Variants in ALPL observed in about 807,000 individuals in gnomAD.
ALPL encodes the protein alkaline phosphatase, tissue-nonspecific isozyme.
A neutral mutation model predicts 51.3 loss-of-function variants in ALPL; 42 were observed. The observed-to-expected ratio is 0.82, with a 90% CI of 0.64 to 1.06. The LOEUF (loss-of-function observed/expected upper bound fraction) is 1.06. Ranked by LOEUF, ALPL falls within the 50% of genes least tolerant of loss-of-function variation. The pLI is 0.00. For synonymous variants in ALPL, 279 were observed against 296.4 expected (o/e 0.94, Z 0.60); for missense variants, 589 against 709.4 (o/e 0.83, Z 1.93).
Position 21,576,356 on chromosome 1 carries a change from G to T in ALPL, c.1190-166G>T, listed in dbSNP as rs184914690. On this transcript the variant is annotated intron_variant, in intron 10 of 11. Coordinates refer to ENST00000374840, the MANE Select transcript of ALPL (RefSeq NM_000478.6). ...TGGGTACAATGAAAACTGGGGAATG[G>T]TTAGTTGGAAATAATAAGGTTTAGA... Among the ~76,000 whole-genome samples, 318 of 152,080 alleles carry T rather than the reference G, an allele frequency of 2.1e-3. 1 individual carries two copies. The highest frequency in any genetic ancestry group is 7.4e-3 in the African/African-American group (308 of 41,498).
At chr1:21,526,209 G>A (rs983944662) in intron 1 of ALPL, among the ~76,000 whole-genome samples, 3 of 151,996 alleles carry the variant, frequency 2.0e-5, no homozygotes, top group East Asian at 2.0e-4. Flanking sequence ...GCGCCATCTC[G>A]GCTCACTGCA....
intron 10 of ALPL, 60 bp downstream of exon 10, chr1:21,575,984 C>A: frequency 4.4e-6 from 7 of 1,598,104 alleles, no homozygotes; most frequent in Non-Finnish European, 6.0e-6. Flanking sequence ...CACCTGGGAG[C>A]AGGAGTGGGT....
intron 1 of ALPL, among the ~76,000 whole-genome samples, chr1:21,533,792 G>A (rs895556822): frequency 6.6e-6 from 1 of 151,888 alleles, no homozygotes; most frequent in Non-Finnish European, 1.5e-5. Flanking sequence ...GTGTGGTCGT[G>A]GGCGCCTGTA....
At position 21,560,771 on chromosome 1, in the gene ALPL, G is replaced by A. The variant is rs1644473202; in HGVS notation, c.181+26G>A. On this transcript the variant is annotated intron_variant, in intron 3 of 11. Coordinates refer to ENST00000374840, the MANE Select transcript of ALPL (RefSeq NM_000478.6). ...GTGAGGCCCAGGGGCCTGTGGGAGG[G>A]GTGGAACAGGACACCTAGCTAGGAG... is the stretch of plus-strand genomic sequence containing the variant. The A allele has an allele frequency of 2.5e-6, 4 of 1,613,706 alleles. No individual in the cohort carries two copies. The African/African-American group carries it at 4.0e-5, about 16-fold the overall frequency.
At chr1:21,547,102 C>G (rs1470956473) in intron 1 of ALPL, among the ~76,000 whole-genome samples, 3 of 152,182 alleles carry the variant, frequency 2.0e-5, no homozygotes, top group Admixed American at 1.3e-4. Context: ...CCGACTGTTT[C>G]CATAGAACCT....
rs764010876 is a variant in ALPL at position 21,576,529 on chromosome 1, C to T, written c.1197C>T (p.Ala399=). The change falls in exon 11 of 12, where the codon GCC becomes GCT. Residue 399 remains alanine, a synonymous_variant. Transcript: ENST00000374840. ...TPRGNSIFGL[A]PMLSDTDKKP... is the part of the protein sequence containing the mutation. ...CACCCCCTCCCTGTGCAGGTCTGGC[C>T]CCCATGCTGAGTGACACAGACAAGA... 71 of 1,613,764 alleles carry T rather than the reference C, an allele frequency of 4.4e-5. 1 individual carries two copies. Among genetic ancestry groups the T allele is most frequent in the Non-Finnish European group, 5.6e-5 (66 of 1,179,900 alleles).
At chr1:21,550,524 T>C (rs1339557651) in intron 1 of ALPL, among the ~76,000 whole-genome samples, 1 of 152,208 alleles carries the variant, frequency 6.6e-6, no homozygotes, top group Non-Finnish European at 1.5e-5. Flanking sequence ...GTATCCTTTA[T>C]AGATTGTTCA....
intron 2 of ALPL, among the ~76,000 whole-genome samples, chr1:21,555,807 G>A (rs921327556): frequency 1.3e-5 from 2 of 151,242 alleles, no homozygotes; most frequent in Admixed American, 6.6e-5. Context: ...GTCTCTCTCT[G>A]TCGCCCAGGC....
At chr1:21,549,536 C>A (rs772427247) in intron 1 of ALPL, among the ~76,000 whole-genome samples, 1 of 151,050 alleles carries the variant, frequency 6.6e-6, no homozygotes, top group Admixed American at 6.6e-5. Context: ...TGCAGTGATG[C>A]GATCTCAGCT....
intron 1 of ALPL, among the ~76,000 whole-genome samples, chr1:21,552,118 CTT>C (rs1558542097): frequency 0.024 from 211 of 8,944 alleles, 9 homozygotes; most frequent in African/African-American, 0.041. Context: ...CTCCCCTTCC[CTT>C]TCCTCCCTCC....
chr1:21,523,285 C>T (rs1055858176), intron 1 of ALPL, among the ~76,000 whole-genome samples: 9 of 152,178 alleles, frequency 5.9e-5, no homozygotes, highest in East Asian at 1.9e-4. Flanking sequence ...GGCGACAGAG[C>T]GAGACTCCAT....
intron 1 of ALPL, among the ~76,000 whole-genome samples, chr1:21,544,921 G>A (rs1181933848): frequency 2.0e-5 from 3 of 149,380 alleles, no homozygotes; most frequent in Non-Finnish European, 4.4e-5. Context: ...TTTTTTTCTT[G>A]TAAACAGGAC....
upstream of ALPL, chr1:21,509,344 G>A (rs1178796892): frequency 6.8e-6 from 1 of 147,828 alleles, no homozygotes; most frequent in Non-Finnish European, 1.5e-5. This position sits in a 1 kb window ranked among gnomAD's most constrained non-coding sequence, Gnocchi z 6.0. Context: ...GGGGCCGGGG[G>A]CGGGGGAGGG....
At chr1:21,531,796 GA>G (rs1478769193) in intron 1 of ALPL, among the ~76,000 whole-genome samples, 1 of 152,198 alleles carries the variant, frequency 6.6e-6, no homozygotes, top group African/African-American at 2.4e-5. Flanking sequence ...GCTTGGAACA[GA>G]GAGGCAAGAG....
At chr1:21,517,870 C>T (rs895517862) in intron 1 of ALPL, among the ~76,000 whole-genome samples, 2 of 152,084 alleles carry the variant, frequency 1.3e-5, no homozygotes, top group Non-Finnish European at 1.5e-5. Flanking sequence ...TGCTTGCTTT[C>T]CTTCCCAGAT....
chr1:21,525,844 C>T (rs753967773), intron 1 of ALPL, among the ~76,000 whole-genome samples: 2 of 152,034 alleles, frequency 1.3e-5, no homozygotes, highest in African/African-American at 2.4e-5. Context: ...AAAAATTAGC[C>T]GGGCATGGTG....
At chr1:21,542,823 G>A (rs1644205789) in intron 1 of ALPL, among the ~76,000 whole-genome samples, 1 of 152,124 alleles carries the variant, frequency 6.6e-6, no homozygotes, top group Admixed American at 6.5e-5. Flanking sequence ...GGGTGACAGA[G>A]CAAGACTCCA....
At chr1:21,550,134 C>T (rs185900640) in intron 1 of ALPL, among the ~76,000 whole-genome samples, 9 of 152,246 alleles carry the variant, frequency 5.9e-5, no homozygotes, top group Non-Finnish European at 1.2e-4. Context: ...CTATAAAGAA[C>T]GCAAGAGAGA....
chr1:21,570,470 G>T, intron 8 of ALPL, 96 bp downstream of exon 8: 1 of 1,293,722 alleles, frequency 7.7e-7, no homozygotes, highest in Non-Finnish European at 1.1e-6. Flanking sequence ...CTAGCCTGAC[G>T]CCCACTTAGG....
Sources: gnomAD v4.1 joint callset for allele counts (sites outside exome capture counted in the v4.1 genomes callset) on GRCh38, gnomAD v4.1.1 for gene constraint, Gnocchi (gnomAD v3.1) non-coding constraint, MANE v1.5 for transcripts, NCBI Gene and HGNC (gene_info 2026-07-23, HGNC 2026-07-21) for gene names.